The following RAB3IP variants were observed in gnomAD, a reference collection of about 807,000 sequenced individuals.
RAB3IP encodes rab-3A-interacting protein.
RAB3IP carries 36 observed loss-of-function variants against 59.1 expected under a neutral mutation model. The ratio of observed to expected loss-of-function variants is 0.61; its 90% CI spans 0.47 to 0.80. The LOEUF (loss-of-function observed/expected upper bound fraction) is 0.80, where lower values mean the gene tolerates loss of function less well. RAB3IP is among the 30% of genes least tolerant of loss of function. The pLI, the probability that RAB3IP is intolerant of heterozygous loss-of-function variation, is 0.00. For missense variants in RAB3IP, 511 were observed against 536.0 expected, an observed-to-expected ratio of 0.95 and a Z score of 0.46; for synonymous variants, 207 against 191.2, an observed-to-expected ratio of 1.08 and a Z score of -0.68.
chr12:69,748,071 G>GTT lies in RAB3IP; in HGVS notation c.-25-7299_-25-7298dup, dbSNP rs35390580. Among the ~76,000 whole-genome samples, 300 of 141,248 alleles carry GTT rather than the reference G, an allele frequency of 2.1e-3. 1 individual carries two copies. Among genetic ancestry groups the GTT allele is most frequent in the Middle Eastern group, 0.015 (4 of 272 alleles). 92.7% of individuals were successfully genotyped at this position (141,248 alleles called of 152,430 possible). ...AAAAAAGATAAAAATCACAGCTTTA[G>GTT]TTTTTTTTTTTTTTTCTAAAATTAA... is the stretch of plus-strand genomic sequence containing the variant. On this transcript the variant is annotated intron_variant, in intron 1 of 10. Coordinates refer to ENST00000247833, the MANE Select transcript of RAB3IP (RefSeq NM_022456.5).
intron 3 of RAB3IP, among the ~76,000 whole-genome samples, chr12:69,767,192 A>G (rs567723581): frequency 2.0e-5 from 3 of 149,708 alleles, no homozygotes; most frequent in Admixed American, 1.3e-4. Context: ...TTTCCTCCCT[A>G]TTGGGGTGTG....
chr12:69,778,437 G>C (rs982107755), intron 3 of RAB3IP, among the ~76,000 whole-genome samples: 1 of 140,436 alleles, frequency 7.1e-6, no homozygotes, highest in African/African-American at 2.7e-5. Context: ...TCTCCATCCA[G>C]CTTTGTTCTG....
At chr12:69,791,254 GCTT>G (rs1327082188) in intron 4 of RAB3IP, among the ~76,000 whole-genome samples, 1 of 152,084 alleles carries the variant, frequency 6.6e-6, no homozygotes, top group East Asian at 1.9e-4. Context: ...CAAGGAAAAA[GCTT>G]CTTGACATTG....
At chr12:69,806,450 C>A (rs1879285211) in intron 8 of RAB3IP, among the ~76,000 whole-genome samples, 1 of 151,838 alleles carries the variant, frequency 6.6e-6, no homozygotes, top group Non-Finnish European at 1.5e-5. Context: ...AAAACCAGCT[C>A]CTGGATTCAT....
chr12:69,794,516 T>A lies in RAB3IP; in HGVS notation c.684+2T>A. On this transcript the variant is annotated splice_donor_variant, in intron 5 of 10. Coordinates refer to ENST00000247833, the MANE Select transcript of RAB3IP (RefSeq NM_022456.5). LOFTEE classifies it high-confidence loss of function. ...CAGCTAAAAGAAGCACAAGGAAAAG[T>A]GAGTTTTTGCAGCTCTTAATAGTAT... 2 of 1,611,026 alleles carry A rather than the reference T, an allele frequency of 1.2e-6. No homozygotes were observed. The highest frequency in any genetic ancestry group is 1.7e-6 in the Non-Finnish European group (2 of 1,178,148).
Position 69,786,034 on chromosome 12 carries a change from TC to T in RAB3IP, c.606+1221del, listed in dbSNP as rs566251237. Among the ~76,000 whole-genome samples the T allele has an allele frequency of 4.4e-3, 674 of 152,330 alleles. 4 individuals carry two copies. Among genetic ancestry groups the T allele is most frequent in the African/African-American group, 0.013 (560 of 41,580 alleles). ...ATTTAACGATATATATATGTTTTTTTCCTAAAGATTTGTTCTTAAAACTTTT... is the reference window on the plus strand; with the variant it reads ...ATTTAACGATATATATATGTTTTTTTCTAAAGATTTGTTCTTAAAACTTTT... On this transcript the variant is annotated intron_variant, in intron 4 of 10. Coordinates refer to ENST00000247833, the MANE Select transcript of RAB3IP (RefSeq NM_022456.5).
At chr12:69,805,503 G>A (rs561520271) in intron 8 of RAB3IP, among the ~76,000 whole-genome samples, 115 of 151,898 alleles carry the variant, frequency 7.6e-4, no homozygotes, top group African/African-American at 2.6e-3. Context: ...TCTCCTGCCT[G>A]ATTGCCCTGG....
chr12:69,792,747 TTA>T (rs1452494546), intron 4 of RAB3IP, among the ~76,000 whole-genome samples: 1 of 152,174 alleles, frequency 6.6e-6, no homozygotes, highest in Non-Finnish European at 1.5e-5. Context: ...ACTGTAACCC[TTA>T]TGTCTGTAGT....
intron 3 of RAB3IP, among the ~76,000 whole-genome samples, chr12:69,782,314 G>C (rs1303403139): frequency 1.3e-5 from 2 of 152,104 alleles, no homozygotes; most frequent in Non-Finnish European, 2.9e-5. Flanking sequence ...ACAGGCACGC[G>C]CCACCATGCG....
intron 4 of RAB3IP, among the ~76,000 whole-genome samples, chr12:69,787,099 G>T (rs1348609614): frequency 2.0e-5 from 3 of 152,008 alleles, no homozygotes; most frequent in Admixed American, 6.6e-5. Context: ...TATCTTTTTA[G>T]GAATTAAAGA....
chr12:69,753,772 A>G lies in RAB3IP; in HGVS notation c.-25-1612A>G, dbSNP rs114116807. On this transcript the variant is annotated intron_variant, in intron 1 of 10. Coordinates refer to ENST00000247833, the MANE Select transcript of RAB3IP (RefSeq NM_022456.5). ...CCTAGAAGACCTTACTTTTTTGGCT[A>G]AGAAGTTTGGTCTCTATTCAGCAGA... is the stretch of plus-strand genomic sequence containing the variant. 6.9e-3 allele frequency among the ~76,000 whole-genome samples: 1,049 copies of G among 152,264 alleles called. 9 individuals carry two copies. The highest frequency in any genetic ancestry group is 0.023 in the African/African-American group (966 of 41,556).
At chr12:69,740,190 A>G (rs74737856) in intron 1 of RAB3IP, among the ~76,000 whole-genome samples, 1 of 152,282 alleles carries the variant, frequency 6.6e-6, no homozygotes, top group East Asian at 1.9e-4. Flanking sequence ...GTGCTGAATG[A>G]CAAATCAAGG....
chr12:69,740,258 A>G (rs1192345487), intron 1 of RAB3IP, among the ~76,000 whole-genome samples: 1 of 152,156 alleles, frequency 6.6e-6, no homozygotes, highest in East Asian at 1.9e-4. Flanking sequence ...ATACTGTTAA[A>G]TATTTCACCA....
At chr12:69,786,271 A>G (rs755463738) in intron 4 of RAB3IP, among the ~76,000 whole-genome samples, 11 of 152,180 alleles carry the variant, frequency 7.2e-5, no homozygotes, top group Non-Finnish European at 8.8e-5. Context: ...AACTTTTATC[A>G]TTACAAGTAA....
At position 69,801,782 on chromosome 12, in the gene RAB3IP, A is replaced by G. The variant is rs941042092; in HGVS notation, c.1130+61A>G. ...GAGTTTTTGAAATGTTATGGGTTGCAGTTATTTAGTTTTTCTGGTTTTAAA... is the reference window on the plus strand; with the variant it reads ...GAGTTTTTGAAATGTTATGGGTTGCGGTTATTTAGTTTTTCTGGTTTTAAA... On this transcript the variant is annotated intron_variant, in intron 8 of 10. Transcript: ENST00000247833. 4.8e-6 allele frequency: 5 copies of G among 1,034,598 alleles called. No individual in the cohort carries two copies. In the African/African-American group the frequency reaches 6.4e-5, roughly 13 times the overall value. The allele number at this position is 1,034,598 out of a possible 1,614,324, so 64.1% of individuals were successfully genotyped here.
chr12:69,769,329 A>T (rs867479966), intron 3 of RAB3IP, among the ~76,000 whole-genome samples: 1 of 152,154 alleles, frequency 6.6e-6, no homozygotes, highest in African/African-American at 2.4e-5. Context: ...CCTTCATAGC[A>T]TCTCCAAGCC....
chr12:69,788,323 ATATTGCT>A (rs1418546446), intron 4 of RAB3IP, among the ~76,000 whole-genome samples: 5 of 152,152 alleles, frequency 3.3e-5, no homozygotes, highest in African/African-American at 1.2e-4. Context: ...TGGCTATATG[ATATTGCT>A]TATTGCTCCT....
chr12:69,782,926 A>G (rs1874992578), intron 3 of RAB3IP, among the ~76,000 whole-genome samples: 1 of 152,150 alleles, frequency 6.6e-6, no homozygotes. Context: ...GTACACTTGA[A>G]GGACACTTTG....
intron 3 of RAB3IP, among the ~76,000 whole-genome samples, chr12:69,762,398 T>C (rs1871446410): frequency 6.6e-6 from 1 of 152,218 alleles, no homozygotes; most frequent in African/African-American, 2.4e-5. Context: ...ATCAAACTTG[T>C]TGATTCTTAC....
Sources: gnomAD v4.1 joint callset for allele counts (sites outside exome capture counted in the v4.1 genomes callset) on GRCh38, gnomAD v4.1.1 for gene constraint, MANE v1.5 for transcripts, NCBI Gene and HGNC (gene_info 2026-07-23, HGNC 2026-07-21) for gene names.